Variants in PDE1A observed in about 807,000 individuals in gnomAD.
PDE1A encodes the protein phosphodiesterase 1A, also known as dual specificity calcium/calmodulin-dependent 3',5'-cyclic nucleotide phosphodiesterase 1A.
Under a neutral mutation model 61.7 loss-of-function variants are expected in PDE1A, and 35 were observed. The observed-to-expected ratio is 0.57, with a 90% confidence interval of 0.43 to 0.75. The LOEUF is 0.75. PDE1A is among the 30% of genes least tolerant of loss of function. The pLI is 0.00. For synonymous variants in PDE1A, 232 were observed against 213.2 expected, an observed-to-expected ratio of 1.09 and a Z score of -0.77; for missense variants, 597 against 630.6, an observed-to-expected ratio of 0.95 and a Z score of 0.57.
intron 13 of PDE1A, among the ~76,000 whole-genome samples, chr2:182,171,311 C>A (rs1415018780): frequency 6.6e-6 from 1 of 151,866 alleles, no homozygotes; most frequent in Non-Finnish European, 1.5e-5. Context: ...AACAGACAAA[C>A]CATGATCAAC....
chr2:182,225,416 A>G (rs561513449), intron 6 of PDE1A, among the ~76,000 whole-genome samples: 9 of 152,052 alleles, frequency 5.9e-5, no homozygotes, highest in African/African-American at 2.2e-4. Context: ...TCTCATAGGT[A>G]CCAAAGGTAT....
the PDE1A span, among the ~76,000 whole-genome samples, chr2:182,599,367 C>T: frequency 6.6e-6 from 1 of 152,102 alleles, no homozygotes; most frequent in Non-Finnish European, 1.5e-5. Flanking sequence ...CTTTCCTGGA[C>T]GCTCATCTGC....
At chr2:182,699,229 C>T in the PDE1A span, among the ~76,000 whole-genome samples, 21,096 of 152,064 alleles carry the variant, frequency 0.14, 3,051 homozygotes, top group African/African-American at 0.37. Flanking sequence ...GGCAAAGCAC[C>T]GCACTAATAA....
At chr2:182,363,070 G>C (rs1266029371) in intron 1 of PDE1A, among the ~76,000 whole-genome samples, 1 of 151,916 alleles carries the variant, frequency 6.6e-6, no homozygotes, top group Non-Finnish European at 1.5e-5. Context: ...GGAGGATGGA[G>C]GGCAGGAGGA....
At chr2:182,453,506 C>T (rs956101276) in intron 2 of PDE1A, among the ~76,000 whole-genome samples, 6 of 151,880 alleles carry the variant, frequency 4.0e-5, no homozygotes, top group African/African-American at 1.2e-4. Context: ...AACATTGATG[C>T]AAAAATCCTC....
chr2:182,564,604 T>C, the PDE1A span, among the ~76,000 whole-genome samples: 1 of 152,208 alleles, frequency 6.6e-6, no homozygotes, highest in Non-Finnish European at 1.5e-5. Flanking sequence ...TGGCCTGCCT[T>C]GCTAGATTGG....
chr2:182,461,290 C>T (rs562848570), intron 2 of PDE1A, among the ~76,000 whole-genome samples: 32 of 152,112 alleles, frequency 2.1e-4, no homozygotes, highest in African/African-American at 7.2e-4. Context: ...TATTGTACAG[C>T]CATTAAAAAA....
intron 1 of PDE1A, among the ~76,000 whole-genome samples, chr2:182,409,777 C>T (rs984445607): frequency 6.6e-6 from 1 of 152,092 alleles, no homozygotes; most frequent in Non-Finnish European, 1.5e-5. Context: ...TGGTCAGGAA[C>T]ATTACAATTA....
the PDE1A span, among the ~76,000 whole-genome samples, chr2:182,641,030 A>AAAAAAAAAAAAAT: frequency 6.7e-6 from 1 of 150,316 alleles, no homozygotes; most frequent in Admixed American, 6.6e-5. Context: ...AAAAAAAAAA[A>AAAAAAAAAAAAAT]GAAGAAGAAG....
At chr2:182,193,785 T>A (rs1685908198) in intron 10 of PDE1A, among the ~76,000 whole-genome samples, 2 of 152,154 alleles carry the variant, frequency 1.3e-5, no homozygotes, top group Admixed American at 1.3e-4. Flanking sequence ...AATCGGTGTT[T>A]ATAGTACTTT....
the PDE1A span, among the ~76,000 whole-genome samples, chr2:182,691,769 A>G: frequency 4.6e-4 from 70 of 152,290 alleles, no homozygotes; most frequent in African/African-American, 1.5e-3. Context: ...GAAAATTTTT[A>G]CAAACTACTC....
chr2:182,228,997 A>C (rs76859894), intron 6 of PDE1A, among the ~76,000 whole-genome samples: 1 of 152,090 alleles, frequency 6.6e-6, no homozygotes, highest in Non-Finnish European at 1.5e-5. Flanking sequence ...AGTCTTACAG[A>C]GAAGTTGGAA....
chr2:182,252,490 A>G (rs1389994145), intron 2 of PDE1A, among the ~76,000 whole-genome samples: 1 of 152,120 alleles, frequency 6.6e-6, no homozygotes, highest in African/African-American at 2.4e-5. Context: ...AGATAATAGA[A>G]GAATATGTGA....
At chr2:182,320,321 G>A (rs1696620116) in intron 1 of PDE1A, among the ~76,000 whole-genome samples, 1 of 152,094 alleles carries the variant, frequency 6.6e-6, no homozygotes, top group South Asian at 2.1e-4. Flanking sequence ...GCAGACAGCT[G>A]GTGTAACCTG....
At chr2:182,521,606 C>T (rs67361657) in intron 2 of PDE1A, among the ~76,000 whole-genome samples, 10,007 of 152,072 alleles carry the variant, frequency 0.066, 350 homozygotes, top group Middle Eastern at 0.1. Context: ...CAATTAACGT[C>T]TGACTTAGGT....
chr2:182,273,343 A>T (rs1416639772), intron 1 of PDE1A, among the ~76,000 whole-genome samples: 1 of 152,072 alleles, frequency 6.6e-6, no homozygotes. Flanking sequence ...GTCAAAATTC[A>T]TCTTGAATTT....
At chr2:182,245,199 T>G (rs1690858492) in intron 2 of PDE1A, among the ~76,000 whole-genome samples, 1 of 152,202 alleles carries the variant, frequency 6.6e-6, no homozygotes, top group East Asian at 1.9e-4. Flanking sequence ...TAGACTTTAT[T>G]TTTTAGGCTT....
chr2:182,490,394 C>T (rs181509758), intron 2 of PDE1A, among the ~76,000 whole-genome samples: 6 of 152,274 alleles, frequency 3.9e-5, no homozygotes, highest in East Asian at 3.9e-4. Flanking sequence ...CTTTTTGAGA[C>T]GGAGTCTCGC....
chr2:182,672,277 T>A, the PDE1A span, among the ~76,000 whole-genome samples: 1 of 152,218 alleles, frequency 6.6e-6, no homozygotes, highest in Non-Finnish European at 1.5e-5. Context: ...TGTTTTTATA[T>A]AAGCATATTT....
Sources: gnomAD v4.1 joint callset for allele counts (sites outside exome capture counted in the v4.1 genomes callset) on GRCh38, gnomAD v4.1.1 for gene constraint, MANE v1.5 for transcripts, NCBI Gene and HGNC (gene_info 2026-07-23, HGNC 2026-07-21) for gene names.